Variants in CRISP2 observed in about 807,000 individuals in gnomAD.
CRISP2 encodes cysteine rich secretory protein 2.
CRISP2 carries 29 observed loss-of-function variants against 31.7 expected under a neutral mutation model. The observed-to-expected ratio is 0.92, with a 90% CI of 0.68 to 1.25. CRISP2 has a LOEUF of 1.25. CRISP2 is among the 50% of genes most tolerant of loss of function. The pLI, the probability that CRISP2 is intolerant of heterozygous loss-of-function variation, is 0.00. For missense variants in CRISP2, 318 were observed against 286.5 expected, an observed-to-expected ratio of 1.11 and a Z score of -0.79; for synonymous variants, 111 against 101.4, an observed-to-expected ratio of 1.09 and a Z score of -0.57.
In CRISP2 at chr6:49,701,101, C is replaced by T. The variant is rs564599486; in HGVS notation, c.67-317G>A. On this transcript the variant is annotated intron_variant, in intron 4 of 9. Coordinates refer to ENST00000339139, the MANE Select transcript of CRISP2 (RefSeq NM_003296.4). The stretch of plus-strand genomic sequence containing the variant: ...TGACAAACTAAAAACCCCTCTGAGG[C>T]CACAAATGCCGATTTCTGGTTTCAA... 2.6e-5 allele frequency among the ~76,000 whole-genome samples: 4 copies of T among 152,080 alleles called. No homozygotes were observed. In the South Asian group the frequency reaches 6.2e-4, roughly 24 times the overall value.
intron 7 of CRISP2, 130 bp downstream of exon 7, chr6:49,698,232 C>T: frequency 9.2e-7 from 1 of 1,090,176 alleles, no homozygotes. Context: ...CTACAACAGC[C>T]AAATGCCAAG....
chr6:49,690,796 T>C (rs1000005963), downstream of CRISP2, among the ~76,000 whole-genome samples: 1 of 152,062 alleles, frequency 6.6e-6, no homozygotes, highest in African/African-American at 2.4e-5. Flanking sequence ...GAATTTACTA[T>C]TATTATTGTA....
At chr6:49,694,567 C>T (rs1021917479) in intron 9 of CRISP2, among the ~76,000 whole-genome samples, 1 of 152,062 alleles carries the variant, frequency 6.6e-6, no homozygotes, top group Non-Finnish European at 1.5e-5. Flanking sequence ...TTCTCTTTCC[C>T]CCAAGTGGAC....
intron 3 of CRISP2, among the ~76,000 whole-genome samples, chr6:49,710,533 C>T (rs1453284521): frequency 6.6e-6 from 1 of 151,980 alleles, no homozygotes; most frequent in Non-Finnish European, 1.5e-5. Context: ...TTTAATAATT[C>T]CCTTATTAAT....
intron 8 of CRISP2, chr6:49,697,595 G>A (rs545137398): frequency 1.8e-5 from 13 of 714,924 alleles, no homozygotes; most frequent in South Asian, 1.7e-4. Flanking sequence ...TGCTCACAGA[G>A]TAACCCTAAG....
chr6:49,710,813 C>T (rs962771552), intron 3 of CRISP2, among the ~76,000 whole-genome samples: 2 of 152,004 alleles, frequency 1.3e-5, no homozygotes, highest in African/African-American at 2.4e-5. Context: ...ATTCTCAATA[C>T]AAATTTATTA....
chr6:49,692,833 T>C lies in CRISP2; in HGVS notation c.672A>G (p.Glu224=). Residue 224 remains glutamate, a synonymous_variant, in exon 10 of 10, where the codon GAA becomes GAG. Coordinates refer to ENST00000339139, the MANE Select transcript of CRISP2 (RefSeq NM_003296.4). Reference sequence around the variant, plus strand: ...TGCACTTTTCCTTGAGTAACTCATGTTCACAGCCAGCTGTATTCTTCAAGG... The same window carrying C: ...TGCACTTTTCCTTGAGTAACTCATGCTCACAGCCAGCTGTATTCTTCAAGG... ...CDSLKNTAGC[E]HELLKEKCKA... is the part of the protein sequence containing the mutation. The C allele has an allele frequency of 1.2e-6, 2 of 1,613,856 alleles. No homozygotes were observed. The highest frequency in any genetic ancestry group is 1.7e-6 in the Non-Finnish European group (2 of 1,179,768).
downstream of CRISP2, among the ~76,000 whole-genome samples, chr6:49,688,285 G>A (rs1763946700): frequency 6.6e-6 from 1 of 152,190 alleles, no homozygotes; most frequent in Non-Finnish European, 1.5e-5. Flanking sequence ...ATTTAGAAAA[G>A]CGTGTTTGTT....
rs1401354874 is a variant in CRISP2 at position 49,697,847 on chromosome 6, A to G, written c.515+13T>C. 1 of 1,609,688 alleles carries G rather than the reference A, an allele frequency of 6.2e-7. No homozygotes were observed. The highest frequency in any genetic ancestry group is 1.7e-5 in the Admixed American group (1 of 59,910). Reference sequence around the variant, plus strand: ...TAGAATTATTGCCATTAAACTCTAAACAGTCTACTTACGCAGGACAATATT... The same window carrying G: ...TAGAATTATTGCCATTAAACTCTAAGCAGTCTACTTACGCAGGACAATATT... On this transcript the variant is annotated intron_variant, in intron 8 of 9. Transcript: ENST00000339139.
In CRISP2 at chr6:49,701,689, ATATGTATACATTATG is replaced by A. The variant is rs1274663309; in HGVS notation, c.67-920_67-906del. On this transcript the variant is annotated intron_variant, in intron 4 of 9. Coordinates refer to ENST00000339139, the MANE Select transcript of CRISP2 (RefSeq NM_003296.4). ...TATACATTATATATGTATACATTAT[ATATGTATACATTATG>A]TATACATATATAATGTATATATAAT... Among the ~76,000 whole-genome samples the A allele has an allele frequency of 8.3e-4, 85 of 102,840 alleles. 4 individuals carry two copies. Among genetic ancestry groups the A allele is most frequent in the East Asian group, 1.9e-3 (7 of 3,620 alleles). The allele number at this position is 102,840 out of a possible 152,430, so 67.5% of individuals were successfully genotyped here. A position where few individuals can be genotyped will look rare whatever the true frequency, so the allele number is the denominator to read the frequency against.
At chr6:49,682,581 C>CTT in the CRISP2 span, among the ~76,000 whole-genome samples, 557 of 88,798 alleles carry the variant, frequency 6.3e-3, 2 homozygotes, top group Non-Finnish European at 8.2e-3. Context: ...CTTTTTCTTT[C>CTT]TTTCTTTTTC....
the CRISP2 span, among the ~76,000 whole-genome samples, chr6:49,678,814 C>T: frequency 6.6e-5 from 10 of 152,140 alleles, no homozygotes; most frequent in African/African-American, 2.4e-4. Flanking sequence ...GTTAGGTGGC[C>T]ACTTAATATT....
At chr6:49,678,418 G>A in the CRISP2 span, among the ~76,000 whole-genome samples, 8 of 152,160 alleles carry the variant, frequency 5.3e-5, no homozygotes, top group East Asian at 1.6e-3. Context: ...TACAGTGTAT[G>A]GTTTTTCTAT....
intron 4 of CRISP2, among the ~76,000 whole-genome samples, chr6:49,701,760 A>G (rs1427233360): frequency 2.8e-5 from 3 of 107,004 alleles, no homozygotes; most frequent in Non-Finnish European, 5.3e-5. Context: ...TATAATGTAT[A>G]CATTATATAT....
At chr6:49,696,609 A>G (rs1376650067) in intron 8 of CRISP2, among the ~76,000 whole-genome samples, 3 of 151,708 alleles carry the variant, frequency 2.0e-5, no homozygotes, top group Non-Finnish European at 4.4e-5. Flanking sequence ...AAAGAAAAAA[A>G]GATTAAAGAA....
downstream of CRISP2, among the ~76,000 whole-genome samples, chr6:49,688,152 C>G (rs1288604221): frequency 6.6e-6 from 1 of 152,168 alleles, no homozygotes; most frequent in African/African-American, 2.4e-5. Context: ...CAAGCAAAGT[C>G]TTACTGTTCA....
chr6:49,690,345 C>T (rs987250561), downstream of CRISP2, among the ~76,000 whole-genome samples: 1 of 151,952 alleles, frequency 6.6e-6, no homozygotes, highest in Non-Finnish European at 1.5e-5. Flanking sequence ...CCAAACAAAT[C>T]CTGTGTGATC....
At chr6:49,683,518 G>T in the CRISP2 span, among the ~76,000 whole-genome samples, 1 of 150,272 alleles carries the variant, frequency 6.7e-6, no homozygotes, top group Non-Finnish European at 1.5e-5. Context: ...ACAAAAATTA[G>T]CCGGGCACGG....
intron 8 of CRISP2, 98 bp from the exon 9 acceptor site, chr6:49,696,022 TTTTAG>T: frequency 1.5e-6 from 1 of 660,120 alleles, no homozygotes; most frequent in Non-Finnish European, 2.5e-6. Flanking sequence ...TATTCAGGGT[TTTTAG>T]TATGTTAACA....
Sources: gnomAD v4.1 joint callset for allele counts (sites outside exome capture counted in the v4.1 genomes callset) on GRCh38, gnomAD v4.1.1 for gene constraint, MANE v1.5 for transcripts, NCBI Gene and HGNC (gene_info 2026-07-23, HGNC 2026-07-21) for gene names.